DMD: variants seen among roughly 807,000 people sequenced by gnomAD.
DMD encodes the protein mutant dystrophin.
In DMD, 63 loss-of-function variants were observed where a neutral mutation model predicts 330.1. The observed-to-expected ratio is 0.19, with a 90% CI of 0.16 to 0.24. The LOEUF is 0.24. Ranked by LOEUF, DMD falls within the 10% of genes least tolerant of loss-of-function variation. The pLI is 1.00. For missense variants in DMD, 3,344 were observed against 2,684.1 expected (o/e 1.25, Z -5.43); for synonymous variants, 1,223 against 959.8 (o/e 1.27, Z -5.07).
intron 2 of DMD, among the ~76,000 whole-genome samples, chrX:33,018,760 T>C (rs6628762): frequency 0.029 from 3,214 of 111,773 alleles, 118 homozygotes; most frequent in African/African-American, 0.099. Flanking sequence ...GATGCCAGTA[T>C]ATACAGCAAT....
intron 57 of DMD, among the ~76,000 whole-genome samples, chrX:31,485,129 G>C (rs762524698): frequency 9.8e-5 from 11 of 112,551 alleles, no homozygotes; most frequent in Middle Eastern, 4.7e-3. Flanking sequence ...GAAGAAATCA[G>C]AAACTTAAAA....
intron 3 of DMD, 115 bp from the exon 4 acceptor site, chrX:32,844,975 TG>T (rs771063648): frequency 5.9e-4 from 361 of 611,535 alleles, no homozygotes; most frequent in Middle Eastern, 4.3e-3. Flanking sequence ...GAACAGAGCC[TG>T]TGAGGCATTA....
At position 31,247,443 on chromosome X, in the gene DMD, T is replaced by C. The variant is rs186132220; in HGVS notation, c.9286+13512A>G. Among the ~76,000 whole-genome samples the C allele has an allele frequency of 2.7e-3, 294 of 109,311 alleles. 3 individuals carry two copies. Among genetic ancestry groups the C allele is most frequent in the African/African-American group, 9.1e-3 (273 of 29,928 alleles). The allele number at this position is 109,311 out of a possible 115,157, so 94.9% of individuals were successfully genotyped here. A position where few individuals can be genotyped will look rare whatever the true frequency, so the allele number is the denominator to read the frequency against. ...GGTGAAACCCCGTCTCTACTAAAAATACAAAAATTAGCCGGGCGTAGTGGC... is the reference window on the plus strand; with the variant it reads ...GGTGAAACCCCGTCTCTACTAAAAACACAAAAATTAGCCGGGCGTAGTGGC... On this transcript the variant is annotated intron_variant, in intron 63 of 78. Transcript: ENST00000357033.
chrX:32,736,556 C>A (rs772402988), intron 7 of DMD, among the ~76,000 whole-genome samples: 1 of 110,710 alleles, frequency 9.0e-6, no homozygotes, highest in Admixed American at 9.6e-5. Context: ...GAAAATGTGG[C>A]ACATATACAC....
At chrX:32,193,718 T>C (rs1280414064) in intron 44 of DMD, among the ~76,000 whole-genome samples, 2 of 111,958 alleles carry the variant, frequency 1.8e-5, no homozygotes, top group African/African-American at 6.5e-5. Context: ...CATCCCAACT[T>C]GTTCTAGTCT....
At chrX:33,153,148 C>T (rs966951738) in intron 1 of DMD, among the ~76,000 whole-genome samples, 18 of 113,039 alleles carry the variant, frequency 1.6e-4, no homozygotes, top group African/African-American at 5.4e-4. Context: ...CGTTGGCTCA[C>T]GCCTGTAATC....
At chrX:31,426,427 A>G (rs1365178333) in intron 60 of DMD, among the ~76,000 whole-genome samples, 1 of 112,238 alleles carries the variant, frequency 8.9e-6, no homozygotes, top group African/African-American at 3.2e-5. Context: ...CTCCAGGACC[A>G]CTCAGGTAAG....
intron 2 of DMD, among the ~76,000 whole-genome samples, chrX:32,923,080 AT>A (rs2088603306): frequency 8.9e-6 from 1 of 111,976 alleles, no homozygotes; most frequent in Non-Finnish European, 1.9e-5. Flanking sequence ...ATTTATAGAC[AT>A]TAACTGCTAC....
intron 60 of DMD, among the ~76,000 whole-genome samples, chrX:31,434,440 A>G (rs200909549): frequency 0.098 from 9,577 of 97,244 alleles, 619 homozygotes; most frequent in East Asian, 0.29. Flanking sequence ...ACACACACAC[A>G]CACACACACA....
chrX:33,164,132 G>A (rs1280680587), intron 1 of DMD, among the ~76,000 whole-genome samples: 1 of 111,455 alleles, frequency 9.0e-6, no homozygotes, highest in African/African-American at 3.3e-5. Context: ...TGCCCATAAA[G>A]GTTGTTTAAT....
At chrX:31,323,527 T>C (rs751689752) in intron 62 of DMD, 71 bp downstream of exon 62, 265 of 929,221 alleles carry the variant, frequency 2.9e-4, no homozygotes, top group Non-Finnish European at 3.8e-4. Flanking sequence ...ATTTTAAAAA[T>C]AAACTCACTT....
chrX:32,947,661 G>T (rs975425003), intron 2 of DMD, among the ~76,000 whole-genome samples: 2 of 111,727 alleles, frequency 1.8e-5, no homozygotes. Context: ...TTTCATTGAG[G>T]AAAGTCATAC....
chrX:33,164,830 A>C (rs1338823957), intron 1 of DMD, among the ~76,000 whole-genome samples: 2 of 110,968 alleles, frequency 1.8e-5, no homozygotes, highest in African/African-American at 6.5e-5. Flanking sequence ...TACAGAGGCC[A>C]GATGGGACTT....
chrX:32,449,629 T>G (rs2098321719), intron 26 of DMD, among the ~76,000 whole-genome samples: 1 of 107,841 alleles, frequency 9.3e-6, no homozygotes, highest in East Asian at 2.9e-4. Context: ...CTCCATGTTG[T>G]GTATTCTCCC....
chrX:31,679,045 A>C (rs1201023238), intron 53 of DMD, among the ~76,000 whole-genome samples: 1 of 110,444 alleles, frequency 9.1e-6, no homozygotes, highest in East Asian at 2.9e-4. Context: ...CCATCTCTAC[A>C]GAAAACAAAA....
At chrX:32,727,528 G>A (rs1357043614) in intron 7 of DMD, among the ~76,000 whole-genome samples, 2 of 109,956 alleles carry the variant, frequency 1.8e-5, no homozygotes, top group African/African-American at 6.6e-5. Context: ...TGCTTGCATT[G>A]ATATTATTGG....
At chrX:32,559,502 A>C (rs1441879217) in intron 16 of DMD, among the ~76,000 whole-genome samples, 3 of 111,834 alleles carry the variant, frequency 2.7e-5, no homozygotes, top group African/African-American at 9.7e-5. Flanking sequence ...ATTTTTAATT[A>C]AACTTACTGG....
intron 44 of DMD, among the ~76,000 whole-genome samples, chrX:32,172,037 G>T (rs1200241628): frequency 9.0e-6 from 1 of 111,684 alleles, no homozygotes; most frequent in Non-Finnish European, 1.9e-5. Context: ...ATATAGATAG[G>T]ATTAGACAAA....
chrX:31,428,006 C>T, intron 60 of DMD, among the ~76,000 whole-genome samples: 1 of 112,197 alleles, frequency 8.9e-6, no homozygotes, highest in East Asian at 2.8e-4. Flanking sequence ...TTAGATTTAT[C>T]TTCTGGTTCA....
Sources: allele counts gnomAD v4.1 joint callset (sites outside exome capture counted in the v4.1 genomes callset), GRCh38; gene constraint gnomAD v4.1.1; transcripts MANE v1.5; gene names NCBI Gene and HGNC (gene_info 2026-07-23, HGNC 2026-07-21).